HERC2: variants seen among roughly 807,000 people sequenced by gnomAD.
The protein encoded by HERC2 is E3 ubiquitin-protein ligase HERC2.
Under a neutral mutation model 537.7 loss-of-function variants are expected in HERC2, and 102 were observed. The observed-to-expected ratio is 0.19, with a 90% CI of 0.16 to 0.22. The LOEUF is 0.22. Among genes scored for constraint, HERC2 ranks in the 10% least tolerant of loss-of-function variants. HERC2 has a pLI of 1.00. For synonymous variants in HERC2, 2,224 were observed against 2,466.2 expected, an observed-to-expected ratio of 0.90 and a Z score of 2.91; for missense variants, 4,236 against 6,198.2, an observed-to-expected ratio of 0.68 and a Z score of 10.63.
intron 59 of HERC2, among the ~76,000 whole-genome samples, chr15:28,178,114 C>A (rs1212088105): frequency 6.6e-6 from 1 of 152,044 alleles, no homozygotes; most frequent in Non-Finnish European, 1.5e-5. Flanking sequence ...CATTCTCCCC[C>A]TTCCTTACCA....
At chr15:28,168,862 C>T (rs543453281) in intron 66 of HERC2, among the ~76,000 whole-genome samples, 33 of 152,336 alleles carry the variant, frequency 2.2e-4, no homozygotes, top group Middle Eastern at 3.4e-3. Flanking sequence ...GAGACTCTGG[C>T]TCTCCCTGAG....
intron 21 of HERC2, 46 bp downstream of exon 21, chr15:28,248,506 G>A (rs201843422): frequency 1.6e-5 from 23 of 1,462,404 alleles, no homozygotes; most frequent in Admixed American, 5.1e-5. Flanking sequence ...CTAAAGTAAC[G>A]AGCCCCGATC....
chr15:28,153,778 C>T lies in HERC2; in HGVS notation c.10747-948G>A, dbSNP rs571680749. 2.0e-5 allele frequency among the ~76,000 whole-genome samples: 3 copies of T among 152,320 alleles called. No homozygotes were observed. The South Asian group carries it at 6.2e-4, about 32-fold the overall frequency. ...ATTTTACACCAAGACAAGATTACTT[C>T]CTAGTGAGGAAAGTTGGCCTCGGAA... On this transcript the variant is annotated intron_variant, in intron 69 of 92. Transcript: ENST00000261609.
intron 69 of HERC2, among the ~76,000 whole-genome samples, chr15:28,155,436 T>C (rs1273539510): frequency 6.6e-6 from 1 of 152,190 alleles, no homozygotes; most frequent in Non-Finnish European, 1.5e-5. Flanking sequence ...TGTTGTTTCC[T>C]GACTTTTTAA....
chr15:28,265,410 C>T lies in HERC2; in HGVS notation c.1870+208G>A, dbSNP rs981995440. ...AAAAAATAAAATGCCCACACAGGAA[C>T]GGCGGCAGCTGCTAACCAGCTGAGA... On this transcript the variant is annotated intron_variant, in intron 14 of 92. Transcript: ENST00000261609. This position sits in a 1 kb window ranked among gnomAD's most constrained non-coding sequence, Gnocchi z 4.0. Among the ~76,000 whole-genome samples the T allele has an allele frequency of 2.0e-5, 3 of 152,150 alleles. No homozygotes were observed. The highest frequency in any genetic ancestry group is 4.4e-5 in the Non-Finnish European group (3 of 68,030).
chr15:28,213,002 A>C (rs1263429953), intron 42 of HERC2: 1 of 150,744 alleles, frequency 6.6e-6, no homozygotes, highest in Non-Finnish European at 1.5e-5. Flanking sequence ...ACCTGAGGTC[A>C]GGAGTTTGAG....
chr15:28,226,051 T>C (rs76653853), intron 35 of HERC2, among the ~76,000 whole-genome samples: 10,589 of 152,282 alleles, frequency 0.07, 890 homozygotes, highest in East Asian at 0.42. Context: ...ACAGAATATA[T>C]GGGAACACTA....
At chr15:28,320,686 T>G (rs1408389336) in intron 2 of HERC2, among the ~76,000 whole-genome samples, 1 of 151,722 alleles carries the variant, frequency 6.6e-6, no homozygotes, top group Admixed American at 6.6e-5. Context: ...AAAAGTAGTT[T>G]TTCCAAGCCA....
intron 69 of HERC2, among the ~76,000 whole-genome samples, chr15:28,158,117 C>A (rs1893205511): frequency 6.6e-6 from 1 of 152,130 alleles, no homozygotes; most frequent in Admixed American, 6.5e-5. Context: ...GTTATAATTT[C>A]TGTTATTTTA....
intron 23 of HERC2, among the ~76,000 whole-genome samples, chr15:28,245,644 T>A (rs1161127502): frequency 4.0e-5 from 6 of 150,808 alleles, no homozygotes; most frequent in African/African-American, 1.5e-4. Context: ...CACACATATA[T>A]ATACACACTC....
intron 2 of HERC2, among the ~76,000 whole-genome samples, chr15:28,303,199 G>T (rs140850840): frequency 0.019 from 2,940 of 152,138 alleles, 48 homozygotes; most frequent in African/African-American, 0.068. Flanking sequence ...AGAGATAGCG[G>T]TCTAGTTTCA....
intron 90 of HERC2, among the ~76,000 whole-genome samples, chr15:28,114,087 GC>G (rs1214025550): frequency 6.6e-6 from 1 of 152,188 alleles, no homozygotes; most frequent in African/African-American, 2.4e-5. Flanking sequence ...CCCCACCAGA[GC>G]CCACAGGGCC....
Position 28,176,364 on chromosome 15 carries a change from G to T in HERC2, c.9686+64C>A. 6.6e-7 allele frequency: 1 copy of T among 1,516,054 alleles called. No homozygotes were observed. Among genetic ancestry groups the T allele is most frequent in the Non-Finnish European group, 9.1e-7 (1 of 1,100,300 alleles). 93.9% of individuals were successfully genotyped at this position (1,516,054 alleles called of 1,614,324 possible). On this transcript the variant is annotated intron_variant, in intron 63 of 92. Coordinates refer to ENST00000261609, the MANE Select transcript of HERC2 (RefSeq NM_004667.6). This position sits in a 1 kb window ranked among gnomAD's most constrained non-coding sequence, Gnocchi z 5.0. Reference sequence around the variant, plus strand: ...TCACGCCGGGTGAGCCTGGGGCGAGGCCCAGGTTCCCTGCACACACCTGCA... The same window carrying T: ...TCACGCCGGGTGAGCCTGGGGCGAGTCCCAGGTTCCCTGCACACACCTGCA...
At chr15:28,168,315 A>G in intron 67 of HERC2, 92 bp downstream of exon 67, 1 of 1,255,132 alleles carries the variant, frequency 8.0e-7, no homozygotes, top group Non-Finnish European at 1.1e-6. Flanking sequence ...GCACAGAAAC[A>G]GCCTAAACTA....
intron 69 of HERC2, among the ~76,000 whole-genome samples, chr15:28,161,660 T>A (rs889519656): frequency 1.3e-5 from 2 of 152,244 alleles, no homozygotes; most frequent in Non-Finnish European, 2.9e-5. Context: ...TAGCCATATT[T>A]CAGTGTGCAG....
At chr15:28,316,222 CAAAAAA>C (rs869089875) in intron 2 of HERC2, among the ~76,000 whole-genome samples, 159 of 50,532 alleles carry the variant, frequency 3.1e-3, no homozygotes, top group African/African-American at 7.0e-3. Flanking sequence ...GACTCTGTCT[CAAAAAA>C]AAAAAAAAAA....
chr15:28,291,928 A>G (rs2141135845), intron 4 of HERC2, among the ~76,000 whole-genome samples: 1 of 150,062 alleles, frequency 6.7e-6, no homozygotes, highest in African/African-American at 2.4e-5. Flanking sequence ...AAAAAAAAAA[A>G]AAAAAAAGAG....
chr15:28,308,547 C>A (rs2076854997), intron 2 of HERC2, among the ~76,000 whole-genome samples: 1 of 152,206 alleles, frequency 6.6e-6, no homozygotes, highest in Non-Finnish European at 1.5e-5. Flanking sequence ...TTATTTCTTT[C>A]TCTTGTCTGA....
chr15:28,111,533 T>A lies in HERC2; in HGVS notation c.*230A>T. 1.7e-6 allele frequency: 1 copy of A among 578,202 alleles called. No homozygotes were observed. Among genetic ancestry groups the A allele is most frequent in the South Asian group, 2.3e-5 (1 of 43,970 alleles). The allele number at this position is 578,202 out of a possible 1,614,324, so 35.8% of individuals were successfully genotyped here. On this transcript the variant is annotated 3_prime_UTR_variant, in exon 93 of 93. Transcript: ENST00000261609. ...CACAGTCCTACATGTAATGCAGCATTACGGGTGAGAAGACCCTTGGAAGTC... is the reference window on the plus strand; with the variant it reads ...CACAGTCCTACATGTAATGCAGCATAACGGGTGAGAAGACCCTTGGAAGTC...
Sources: gnomAD v4.1 joint callset for allele counts (sites outside exome capture counted in the v4.1 genomes callset) on GRCh38, gnomAD v4.1.1 for gene constraint, Gnocchi (gnomAD v3.1) non-coding constraint, MANE v1.5 for transcripts, NCBI Gene and HGNC (gene_info 2026-07-23, HGNC 2026-07-21) for gene names.